The following SLC39A11 variants were observed in gnomAD, a reference collection of about 807,000 sequenced individuals.
SLC39A11 encodes solute carrier family 39 member 11.
SLC39A11 carries 33 observed loss-of-function variants against 36.1 expected under a neutral mutation model. The observed-to-expected ratio is 0.91, with a 90% CI of 0.69 to 1.22. The LOEUF is 1.22. Ranked by LOEUF, SLC39A11 falls within the 50% of genes most tolerant of loss-of-function variation. The pLI is 0.00. For missense variants in SLC39A11, 432 were observed against 430.3 expected (o/e 1.00, Z -0.03); for synonymous variants, 166 against 170.3 (o/e 0.97, Z 0.20).
At chr17:72,661,519 T>C (rs1196434798) in intron 7 of SLC39A11, among the ~76,000 whole-genome samples, 2 of 152,156 alleles carry the variant, frequency 1.3e-5, no homozygotes, top group Non-Finnish European at 2.9e-5. Flanking sequence ...AGCGTGTGTG[T>C]TCTTGTGTGG....
intron 6 of SLC39A11, among the ~76,000 whole-genome samples, chr17:72,768,508 C>T (rs1462884921): frequency 6.6e-6 from 1 of 152,098 alleles, no homozygotes; most frequent in African/African-American, 2.4e-5. Flanking sequence ...GGGTAGCCTC[C>T]CAGAAGCTGA....
chr17:72,938,082 A>G (rs1338293162), intron 5 of SLC39A11, among the ~76,000 whole-genome samples: 1 of 152,186 alleles, frequency 6.6e-6, no homozygotes, highest in African/African-American at 2.4e-5. Flanking sequence ...AACTCTGAAA[A>G]TCATGTTTCC....
intron 3 of SLC39A11, among the ~76,000 whole-genome samples, chr17:73,047,875 G>C (rs1036068410): frequency 6.8e-6 from 1 of 146,630 alleles, no homozygotes. Flanking sequence ...GGCTGAGGCA[G>C]GAGAATCGCT....
At chr17:72,707,811 T>C (rs2072953424) in intron 7 of SLC39A11, among the ~76,000 whole-genome samples, 1 of 152,172 alleles carries the variant, frequency 6.6e-6, no homozygotes, top group Admixed American at 6.5e-5. Context: ...AAAGCCAAAG[T>C]TCAGCCTTGA....
At chr17:72,654,262 C>A (rs1379408264) in intron 7 of SLC39A11, among the ~76,000 whole-genome samples, 1 of 152,150 alleles carries the variant, frequency 6.6e-6, no homozygotes, top group Admixed American at 6.5e-5. Flanking sequence ...GGTATAGGAT[C>A]GGAGTTAATG....
intron 6 of SLC39A11, among the ~76,000 whole-genome samples, chr17:72,785,040 G>A (rs533677605): frequency 6.6e-6 from 1 of 152,014 alleles, no homozygotes; most frequent in South Asian, 2.1e-4. Flanking sequence ...GCTAATTTTT[G>A]TATTTTTAGT....
intron 5 of SLC39A11, among the ~76,000 whole-genome samples, chr17:72,939,354 G>A (rs945019089): frequency 6.6e-5 from 10 of 152,030 alleles, no homozygotes; most frequent in Admixed American, 1.3e-4. Flanking sequence ...AGCTACTCAG[G>A]AGGCTGAGGC....
intron 3 of SLC39A11, among the ~76,000 whole-genome samples, chr17:73,079,499 G>A (rs1272811853): frequency 6.6e-6 from 1 of 152,054 alleles, no homozygotes; most frequent in African/African-American, 2.4e-5. Flanking sequence ...CATACCTTAA[G>A]GTAATAAAAG....
intron 5 of SLC39A11, among the ~76,000 whole-genome samples, chr17:72,939,990 G>A (rs748482692): frequency 5.3e-5 from 8 of 152,274 alleles, no homozygotes; most frequent in South Asian, 2.1e-4. Flanking sequence ...TCATGTCAGC[G>A]TTCAAAAGGT....
intron 5 of SLC39A11, among the ~76,000 whole-genome samples, chr17:72,850,291 A>G (rs536787542): frequency 2.0e-5 from 3 of 151,948 alleles, no homozygotes; most frequent in African/African-American, 7.2e-5. Context: ...TCTACAAAAA[A>G]TAAAAATAAA....
chr17:72,867,194 G>A (rs1390078208), intron 5 of SLC39A11, among the ~76,000 whole-genome samples: 2 of 152,048 alleles, frequency 1.3e-5, no homozygotes, highest in Non-Finnish European at 2.9e-5. Flanking sequence ...GGTCAACTAG[G>A]CAAGTTTAAA....
chr17:72,669,473 G>A (rs1248395857), intron 7 of SLC39A11, among the ~76,000 whole-genome samples: 1 of 152,092 alleles, frequency 6.6e-6, no homozygotes. Flanking sequence ...TCAAATTTGG[G>A]TTTCTCTGAT....
chr17:72,684,899 G>T (rs1598338738), intron 7 of SLC39A11, among the ~76,000 whole-genome samples: 2 of 152,120 alleles, frequency 1.3e-5, no homozygotes, highest in Non-Finnish European at 2.9e-5. Context: ...TTTGTCTCAG[G>T]CCCCCCGGGG....
intron 3 of SLC39A11, among the ~76,000 whole-genome samples, chr17:73,078,239 G>GGA (rs2060391383): frequency 9.6e-6 from 1 of 103,678 alleles, no homozygotes; most frequent in Non-Finnish European, 2.1e-5. Context: ...CTCCGTCTCA[G>GGA]GAAAAAAAAA....
chr17:72,792,242 G>A (rs73998407), intron 6 of SLC39A11, among the ~76,000 whole-genome samples: 5,279 of 152,306 alleles, frequency 0.035, 101 homozygotes, highest in Non-Finnish European at 0.04. Flanking sequence ...TGAACCAGAA[G>A]GGGCTGTGCA....
At chr17:72,991,960 T>C (rs960558011) in intron 4 of SLC39A11, among the ~76,000 whole-genome samples, 6 of 152,204 alleles carry the variant, frequency 3.9e-5, no homozygotes, top group Non-Finnish European at 7.3e-5. Context: ...CCATCAACAG[T>C]GCATGAGAGT....
intron 7 of SLC39A11, among the ~76,000 whole-genome samples, chr17:72,729,041 T>C (rs2074046031): frequency 6.6e-6 from 1 of 152,204 alleles, no homozygotes; most frequent in Non-Finnish European, 1.5e-5. Context: ...GCTGTAAATA[T>C]TCTTTTTCAG....
intron 3 of SLC39A11, among the ~76,000 whole-genome samples, chr17:73,081,664 C>CATATATAT (rs796974079): frequency 2.9e-4 from 35 of 122,492 alleles, no homozygotes; most frequent in African/African-American, 5.8e-4. Context: ...CACACACACA[C>CATATATAT]ACACACATAT....
intron 6 of SLC39A11, among the ~76,000 whole-genome samples, chr17:72,785,115 C>G (rs1598728094): frequency 6.6e-6 from 1 of 152,156 alleles, no homozygotes; most frequent in East Asian, 1.9e-4. Flanking sequence ...ATCCGCCCAC[C>G]TCAGCCTCCC....
Sources: allele counts gnomAD v4.1 joint callset (sites outside exome capture counted in the v4.1 genomes callset), GRCh38; gene constraint gnomAD v4.1.1; transcripts MANE v1.5; gene names NCBI Gene and HGNC (gene_info 2026-07-23, HGNC 2026-07-21).